C12orf42: variants seen among roughly 807,000 people sequenced by gnomAD.
C12orf42 encodes chromosome 12 open reading frame 42.
C12orf42 carries 25 observed loss-of-function variants against 21.6 expected under a neutral mutation model. That is an observed-to-expected ratio of 1.16 (90% confidence interval 0.84 to 1.62). The LOEUF (loss-of-function observed/expected upper bound fraction) is 1.62. C12orf42 is among the 40% of genes most tolerant of loss of function. The pLI, the probability that C12orf42 is intolerant of heterozygous loss-of-function variation, is 0.00. For synonymous variants in C12orf42, 174 were observed against 175.0 expected (o/e 0.99, Z 0.05); for missense variants, 483 against 459.3 (o/e 1.05, Z -0.47).
At chr12:103,518,532 T>C in the C12orf42 span, among the ~76,000 whole-genome samples, 3 of 152,308 alleles carry the variant, frequency 2.0e-5, no homozygotes, top group African/African-American at 4.8e-5. Flanking sequence ...TCAAGTCTTA[T>C]ATGGGTGGTC....
chr12:103,125,240 C>CT, the C12orf42 span, among the ~76,000 whole-genome samples: 3 of 151,992 alleles, frequency 2.0e-5, no homozygotes, highest in African/African-American at 7.3e-5. Context: ...AAAAAGGCAG[C>CT]TTTTTAAAAA....
intron 4 of C12orf42, among the ~76,000 whole-genome samples, chr12:103,286,210 C>G (rs1199737132): frequency 2.0e-5 from 3 of 151,726 alleles, no homozygotes; most frequent in Non-Finnish European, 4.4e-5. Context: ...GAGATTGCAC[C>G]ACTGCACTCC....
chr12:103,249,845 C>CTAA (rs2034203647), intron 10 of C12orf42, among the ~76,000 whole-genome samples: 1 of 152,018 alleles, frequency 6.6e-6, no homozygotes, highest in Non-Finnish European at 1.5e-5. Flanking sequence ...ACCAGTCAAT[C>CTAA]CTTAGATTTT....
chr12:103,068,932 CACATATATATATATATATATATATATAT>C, the C12orf42 span, among the ~76,000 whole-genome samples: 11 of 48,212 alleles, frequency 2.3e-4, no homozygotes, highest in Admixed American at 1.3e-3. Context: ...TCTCTCTCTC[CACATATATATATATATATATATATATAT>C]ATATATATAT....
chr12:103,092,356 C>T, the C12orf42 span, among the ~76,000 whole-genome samples: 1 of 152,000 alleles, frequency 6.6e-6, no homozygotes, highest in Admixed American at 6.5e-5. Flanking sequence ...TTAGTTTGCA[C>T]GGGGGGAAAA....
At chr12:103,103,707 G>A in the C12orf42 span, among the ~76,000 whole-genome samples, 26 of 151,316 alleles carry the variant, frequency 1.7e-4, no homozygotes, top group African/African-American at 4.4e-4. Flanking sequence ...TATTAAAAAC[G>A]TATTAAAACG....
the C12orf42 span, among the ~76,000 whole-genome samples, chr12:103,182,821 A>G: frequency 1.3e-5 from 2 of 152,252 alleles, no homozygotes; most frequent in Admixed American, 1.3e-4. Context: ...TTGTAAAACA[A>G]TGTGATATCA....
At chr12:103,309,890 G>A (rs2038791985) in intron 4 of C12orf42, among the ~76,000 whole-genome samples, 1 of 152,228 alleles carries the variant, frequency 6.6e-6, no homozygotes, top group Non-Finnish European at 1.5e-5. Flanking sequence ...CAAAGCAAAT[G>A]CCTTCAGAGG....
At chr12:103,466,775 C>T (rs1444118496) in intron 2 of C12orf42, among the ~76,000 whole-genome samples, 2 of 152,206 alleles carry the variant, frequency 1.3e-5, no homozygotes, top group Non-Finnish European at 2.9e-5. Flanking sequence ...ATGTTACTTG[C>T]TTTGGCCAAT....
the C12orf42 span, among the ~76,000 whole-genome samples, chr12:103,202,308 G>A: frequency 6.6e-6 from 1 of 152,140 alleles, no homozygotes; most frequent in Non-Finnish European, 1.5e-5. Flanking sequence ...TTGCTAAAGA[G>A]TCCAAACAAA....
At chr12:103,146,066 G>A in the C12orf42 span, among the ~76,000 whole-genome samples, 1 of 151,980 alleles carries the variant, frequency 6.6e-6, no homozygotes, top group African/African-American at 2.4e-5. Context: ...TGGTTTTTAT[G>A]CTTTTACTTG....
chr12:103,313,090 G>T (rs772914178), intron 4 of C12orf42, among the ~76,000 whole-genome samples: 1 of 152,076 alleles, frequency 6.6e-6, no homozygotes, highest in African/African-American at 2.4e-5. Context: ...TTCATGTTAT[G>T]AAAAAACTAG....
chr12:103,064,861 G>A, the C12orf42 span, among the ~76,000 whole-genome samples: 3 of 152,206 alleles, frequency 2.0e-5, no homozygotes, highest in Admixed American at 6.5e-5. Flanking sequence ...GGGGCTTATG[G>A]AGTCAGGTAA....
chr12:103,217,825 C>A, the C12orf42 span, among the ~76,000 whole-genome samples: 1 of 152,132 alleles, frequency 6.6e-6, no homozygotes, highest in Non-Finnish European at 1.5e-5. Context: ...TACTCCCATG[C>A]TGCATCAATC....
chr12:103,535,969 T>C, the C12orf42 span, among the ~76,000 whole-genome samples: 1 of 152,162 alleles, frequency 6.6e-6, no homozygotes, highest in Admixed American at 6.5e-5. Context: ...TTTGTAGAGA[T>C]GCTCTCTCGC....
intron 2 of C12orf42, among the ~76,000 whole-genome samples, chr12:103,402,511 G>A (rs1032872420): frequency 6.6e-6 from 1 of 152,100 alleles, no homozygotes; most frequent in Non-Finnish European, 1.5e-5. Context: ...TGTCATGAAG[G>A]ACAGACCCCC....
chr12:103,462,335 C>A (rs536216782), intron 2 of C12orf42, among the ~76,000 whole-genome samples: 1 of 151,368 alleles, frequency 6.6e-6, no homozygotes, highest in East Asian at 1.9e-4. Flanking sequence ...GGTCTCGAAC[C>A]CCTGACCTCA....
chr12:103,328,864 G>A (rs1223489523), intron 4 of C12orf42, among the ~76,000 whole-genome samples: 1 of 152,164 alleles, frequency 6.6e-6, no homozygotes, highest in African/African-American at 2.4e-5. Context: ...TGAGAGATGT[G>A]CCTCCTCTGT....
At chr12:103,530,974 C>T in the C12orf42 span, among the ~76,000 whole-genome samples, 1 of 152,184 alleles carries the variant, frequency 6.6e-6, no homozygotes. Flanking sequence ...GCAAACAAAA[C>T]AGTCGCCCCC....
Sources: gnomAD v4.1 joint callset for allele counts (sites outside exome capture counted in the v4.1 genomes callset) on GRCh38, gnomAD v4.1.1 for gene constraint, MANE v1.5 for transcripts, NCBI Gene and HGNC (gene_info 2026-07-23, HGNC 2026-07-21) for gene names.